Variants in NEMP2 observed in about 807,000 individuals in gnomAD.
NEMP2 encodes UPF0571 transmembrane protein.
Under a neutral mutation model 54.2 loss-of-function variants are expected in NEMP2, and 53 were observed. The observed-to-expected ratio is 0.98, with a 90% CI of 0.78 to 1.23. The LOEUF (loss-of-function observed/expected upper bound fraction) is 1.23. Ranked by LOEUF, NEMP2 falls within the 50% of genes most tolerant of loss-of-function variation. NEMP2 has a pLI of 0.00. For missense variants in NEMP2, 455 were observed against 511.3 expected, an observed-to-expected ratio of 0.89 and a Z score of 1.06; for synonymous variants, 197 against 190.3, an observed-to-expected ratio of 1.04 and a Z score of -0.29.
At chr2:190,479,394 A>G in the NEMP2 span, among the ~76,000 whole-genome samples, 4 of 152,318 alleles carry the variant, frequency 2.6e-5, no homozygotes, top group South Asian at 8.3e-4. Flanking sequence ...TAAAAAAGAG[A>G]CAGGGAGTCT....
chr2:190,462,021 TATACGAACTC>T, the NEMP2 span, among the ~76,000 whole-genome samples: 1 of 152,276 alleles, frequency 6.6e-6, no homozygotes, highest in Middle Eastern at 3.4e-3. The surrounding 1 kb of genome is among the most constrained non-coding windows in gnomAD (Gnocchi z 5.7). Flanking sequence ...CATAACTCAC[TATACGAACTC>T]AAAATCTACA....
At chr2:190,631,847 G>A in the NEMP2 span, among the ~76,000 whole-genome samples, 1 of 152,156 alleles carries the variant, frequency 6.6e-6, no homozygotes, top group African/African-American at 2.4e-5. Context: ...CTTGAGTCCA[G>A]GAGTTCGAGA....
At chr2:190,436,434 C>CTT in the NEMP2 span, 1 of 1,614,146 alleles carries the variant, frequency 6.2e-7, no homozygotes, top group East Asian at 2.2e-5. The surrounding 1 kb of genome is among the most constrained non-coding windows in gnomAD (Gnocchi z 5.3). Flanking sequence ...AAATTGTCCT[C>CTT]CTCTTTTCTC....
chr2:190,428,650 CTTGCTTATTTAT>C, the NEMP2 span, among the ~76,000 whole-genome samples: 101 of 131,626 alleles, frequency 7.7e-4, no homozygotes, highest in South Asian at 2.7e-3. Context: ...TTTAGAGATG[CTTGCTTATTTAT>C]TTATTTATTT....
At chr2:190,541,450 GAAA>G in the NEMP2 span, among the ~76,000 whole-genome samples, 1 of 152,076 alleles carries the variant, frequency 6.6e-6, no homozygotes, top group Non-Finnish European at 1.5e-5. This position sits in a 1 kb window ranked among gnomAD's most constrained non-coding sequence, Gnocchi z 5.2. Context: ...TTTGTTTCAA[GAAA>G]TTCTTACATT....
the NEMP2 span, chr2:190,477,428 A>G: frequency 2.2e-6 from 2 of 911,850 alleles, no homozygotes; most frequent in Non-Finnish European, 2.6e-6. Flanking sequence ...ATACATGCAT[A>G]TAACTTTTTT....
the NEMP2 span, among the ~76,000 whole-genome samples, chr2:190,618,887 C>T: frequency 7.2e-5 from 11 of 152,140 alleles, no homozygotes; most frequent in Non-Finnish European, 1.5e-4. Context: ...TAACTTTTTA[C>T]GTACTCTGTG....
chr2:190,541,232 A>G, the NEMP2 span, among the ~76,000 whole-genome samples: 53 of 151,668 alleles, frequency 3.5e-4, no homozygotes, highest in Admixed American at 7.9e-4. The surrounding 1 kb of genome is among the most constrained non-coding windows in gnomAD (Gnocchi z 5.2). Context: ...TCTGATATTT[A>G]CTACTTCTGT....
At chr2:190,515,531 TTATA>T (rs777720052) in intron 6 of NEMP2, among the ~76,000 whole-genome samples, 1 of 152,178 alleles carries the variant, frequency 6.6e-6, no homozygotes, top group Non-Finnish European at 1.5e-5. Context: ...AATTAACTGA[TTATA>T]TAGGAAAAGC....
the NEMP2 span, among the ~76,000 whole-genome samples, chr2:190,578,129 A>G: frequency 6.6e-6 from 1 of 152,296 alleles, no homozygotes. The surrounding 1 kb of genome is among the most constrained non-coding windows in gnomAD (Gnocchi z 4.4). Context: ...GTAACTTGTC[A>G]TAATGGACAG....
At chr2:190,629,640 G>T in the NEMP2 span, 1 of 152,068 alleles carries the variant, frequency 6.6e-6, no homozygotes, top group Non-Finnish European at 1.5e-5. Flanking sequence ...GACCATCCAC[G>T]TCAATTTGTG....
At chr2:190,612,990 T>C in the NEMP2 span, among the ~76,000 whole-genome samples, 111 of 152,194 alleles carry the variant, frequency 7.3e-4, no homozygotes, top group Non-Finnish European at 2.2e-4. Context: ...CTGCAAATAT[T>C]TGTCCCATTA....
chr2:190,555,493 G>A, the NEMP2 span, among the ~76,000 whole-genome samples: 2 of 151,830 alleles, frequency 1.3e-5, no homozygotes, highest in Admixed American at 1.3e-4. This position sits in a 1 kb window ranked among gnomAD's most constrained non-coding sequence, Gnocchi z 4.8. Context: ...TGATGGAGCT[G>A]AAAAACACAG....
chr2:190,580,809 T>C, the NEMP2 span, among the ~76,000 whole-genome samples: 3 of 152,144 alleles, frequency 2.0e-5, no homozygotes, highest in Non-Finnish European at 4.4e-5. This position sits in a 1 kb window ranked among gnomAD's most constrained non-coding sequence, Gnocchi z 5.3. Context: ...TGGGAAGGAT[T>C]GTAAGAAGGG....
the NEMP2 span, among the ~76,000 whole-genome samples, chr2:190,562,266 A>C: frequency 6.6e-6 from 1 of 152,222 alleles, no homozygotes; most frequent in African/African-American, 2.4e-5. The surrounding 1 kb of genome is among the most constrained non-coding windows in gnomAD (Gnocchi z 5.0). Flanking sequence ...CTTCCCAGCC[A>C]GGAAGCTCAC....
Position 190,531,317 on chromosome 2 carries a change from C to T in NEMP2, c.97+3242G>A, listed in dbSNP as rs548205661. The stretch of plus-strand genomic sequence containing the variant: ...AGAAAGATCTGGAAGTGTAGGCTAT[C>T]CCAGGTTTGCCTCAACCCTCAAGGA... On this transcript the variant is annotated intron_variant, in intron 1 of 8. Coordinates refer to ENST00000409150, the MANE Select transcript of NEMP2 (RefSeq NM_001142645.2). This position sits in a 1 kb window ranked among gnomAD's most constrained non-coding sequence, Gnocchi z 4.7. Among the ~76,000 whole-genome samples the T allele has an allele frequency of 6.6e-6, 1 of 152,232 alleles. No homozygotes were observed. Among genetic ancestry groups the T allele is most frequent in the South Asian group, 2.1e-4 (1 of 4,820 alleles).
upstream of NEMP2, chr2:190,534,818 C>G (rs1046709991): frequency 2.0e-6 from 1 of 489,328 alleles, no homozygotes; most frequent in East Asian, 3.6e-5. Context: ...GAGTTGGGCT[C>G]GTTGCTCCAG....
chr2:190,473,417 AAAAG>A, the NEMP2 span, among the ~76,000 whole-genome samples: 1 of 152,220 alleles, frequency 6.6e-6, no homozygotes, highest in Non-Finnish European at 1.5e-5. Context: ...GGAAAACAAA[AAAAG>A]GCAGGGGTTG....
chr2:190,636,054 G>A, the NEMP2 span, among the ~76,000 whole-genome samples: 1 of 151,952 alleles, frequency 6.6e-6, no homozygotes, highest in Admixed American at 6.6e-5. Context: ...TTGTAGAGAC[G>A]GGATCTCATT....
Sources: allele counts gnomAD v4.1 joint callset (sites outside exome capture counted in the v4.1 genomes callset), GRCh38; gene constraint gnomAD v4.1.1; non-coding constraint Gnocchi (gnomAD v3.1); transcripts MANE v1.5; gene names NCBI Gene and HGNC (gene_info 2026-07-23, HGNC 2026-07-21).